Variants in NEB observed in about 807,000 individuals in gnomAD.
NEB encodes the protein nebulin, also known as nemaline myopathy type 2.
Under a neutral mutation model 952.2 loss-of-function variants are expected in NEB, and 512 were observed. The ratio of observed to expected loss-of-function variants is 0.54; its 90% CI spans 0.50 to 0.58. The LOEUF is 0.58. Among genes scored for constraint, NEB ranks in the 20% least tolerant of loss-of-function variants. NEB has a pLI of 0.00. For synonymous variants in NEB, 2,900 were observed against 3,149.8 expected (o/e 0.92, Z 2.66); for missense variants, 8,428 against 9,231.1 (o/e 0.91, Z 3.56).
intron 71 of NEB, among the ~76,000 whole-genome samples, chr2:151,621,545 G>A (rs1343423038): frequency 1.3e-5 from 2 of 152,158 alleles, no homozygotes; most frequent in East Asian, 1.9e-4. Flanking sequence ...CAAGTTGTTC[G>A]AGGACATGAG....
At chr2:151,595,516 G>A (rs1171720072) in intron 92 of NEB, among the ~76,000 whole-genome samples, 5 of 128,540 alleles carry the variant, frequency 3.9e-5, no homozygotes, top group Non-Finnish European at 4.8e-5. Flanking sequence ...CAGGTGATCC[G>A]CCCACCTCAG....
chr2:151,697,524 G>A lies in NEB; in HGVS notation c.1257+20C>T. ...ATGGGTTCTTTTTTTAACAGAAAGAGTGACAGTAGGATTGCTTACATCACT... is the reference window on the plus strand; with the variant it reads ...ATGGGTTCTTTTTTTAACAGAAAGAATGACAGTAGGATTGCTTACATCACT... On this transcript the variant is annotated intron_variant, in intron 14 of 181. Coordinates refer to ENST00000397345, the MANE Select transcript of NEB (RefSeq NM_001164508.2). 1.2e-6 allele frequency: 2 copies of A among 1,607,564 alleles called. No homozygotes were observed. Among genetic ancestry groups the A allele is most frequent in the Non-Finnish European group, 1.7e-6 (2 of 1,175,232 alleles).
intron 38 of NEB, among the ~76,000 whole-genome samples, chr2:151,670,164 T>C (rs1167241746): frequency 6.6e-6 from 1 of 152,176 alleles, no homozygotes; most frequent in African/African-American, 2.4e-5. Flanking sequence ...TTGACACCAG[T>C]TATTACTCCT....
chr2:151,690,689 T>G (rs1385887667), intron 24 of NEB, 38 bp downstream of exon 24: 25 of 1,446,356 alleles, frequency 1.7e-5, no homozygotes, highest in Non-Finnish European at 2.2e-5. Context: ...AGCAAAGCAC[T>G]CTGGGTCACC....
At chr2:151,702,259 A>G (rs1576940291) in intron 13 of NEB, among the ~76,000 whole-genome samples, 1 of 151,950 alleles carries the variant, frequency 6.6e-6, no homozygotes, top group East Asian at 1.9e-4. Context: ...GTTCTTTTAC[A>G]TTTGCTGAGG....
In NEB at chr2:151,537,888, G is replaced by C. The variant is rs1261694867; in HGVS notation, c.21086C>G (p.Thr7029Ser). Reference sequence around the variant, plus strand: ...AACACTCACATCACTGACTGTGTCAGTGACTGCTCGGTGGTGGAAATGCTC... The same window carrying C: ...AACACTCACATCACTGACTGTGTCACTGACTGCTCGGTGGTGGAAATGCTC... ...RPEHFHHRAV[T>S]DTVSDVKYKE... Residue 7029 changes from threonine to serine, a missense_variant, in exon 140 of 182, where the codon ACT (threonine) becomes AGT (serine). By Grantham distance (58) the Thr-to-Ser change is moderately conservative. Coordinates refer to ENST00000397345, the MANE Select transcript of NEB (RefSeq NM_001164508.2). 6.2e-7 allele frequency: 1 copy of C among 1,609,934 alleles called. No homozygotes were observed. The highest frequency in any genetic ancestry group is 8.5e-7 in the Non-Finnish European group (1 of 1,178,074).
chr2:151,542,604 A>G (rs2094205225), intron 135 of NEB, among the ~76,000 whole-genome samples: 1 of 152,122 alleles, frequency 6.6e-6, no homozygotes, highest in African/African-American at 2.4e-5. Context: ...CAAAATGGTC[A>G]TGAATCCTGG....
chr2:151,689,239 C>G (rs2099527274), intron 24 of NEB: 1 of 137,890 alleles, frequency 7.3e-6, no homozygotes, highest in Admixed American at 7.5e-5. Flanking sequence ...GTGTCTGGCT[C>G]CATCACCCAG....
At chr2:151,491,954 C>G (rs996590364) in intron 178 of NEB, 144 bp downstream of exon 178, 43 of 1,046,598 alleles carry the variant, frequency 4.1e-5, no homozygotes, top group Non-Finnish European at 5.5e-5. Context: ...GCTTTGTAAA[C>G]TATGAGATAA....
chr2:151,653,891 A>G, intron 52 of NEB, 101 bp downstream of exon 52: 1 of 687,614 alleles, frequency 1.5e-6, no homozygotes, highest in South Asian at 2.0e-5. Flanking sequence ...AGGAAGCATT[A>G]TATTTTGAAA....
intron 170 of NEB, 198 bp downstream of exon 170, chr2:151,498,062 A>ATGT: frequency 6.9e-7 from 1 of 1,455,732 alleles, no homozygotes; most frequent in Non-Finnish European, 9.0e-7. Context: ...TTTTTAAAAC[A>ATGT]TGTTTGTTTG....
At chr2:151,642,348 G>A (rs1574886395) in intron 60 of NEB, among the ~76,000 whole-genome samples, 1 of 152,184 alleles carries the variant, frequency 6.6e-6, no homozygotes, top group Admixed American at 6.5e-5. Context: ...TTGTTCAGCA[G>A]GAAACGGACA....
chr2:151,532,126 T>G (rs1026840772), intron 143 of NEB: 2 of 376,834 alleles, frequency 5.3e-6, no homozygotes, highest in East Asian at 5.3e-5. Context: ...AGACGGAGTC[T>G]TACTCTGTCA....
In NEB at chr2:151,514,404, C is replaced by G. The variant is rs1487757503; in HGVS notation, c.23041G>C (p.Glu7681Gln). The change falls in exon 159 of 182, where the codon GAA (glutamate) becomes CAA (glutamine). Residue 7681 changes from glutamate to glutamine, a missense_variant. By Grantham distance (29) the Glu-to-Gln change is conservative (BLOSUM62 2). Transcript: ENST00000397345. Reference sequence around the variant, plus strand: ...GTGAGGCCCTTCCCACGGATGCTTTCCTCTAGATCTTTCCTGTACTCTTTC... The same window carrying G: ...GTGAGGCCCTTCCCACGGATGCTTTGCTCTAGATCTTTCCTGTACTCTTTC... ...SEKEYRKDLE[E>Q]SIRGKGLTEM... 1 of 1,612,890 alleles carries G rather than the reference C, an allele frequency of 6.2e-7. No homozygotes were observed. The highest frequency in any genetic ancestry group is 2.2e-5 in the East Asian group (1 of 44,884).
rs74804252 is a variant in NEB at position 151,631,893 on chromosome 2, C to T, written c.9415-547G>A. On this transcript the variant is annotated intron_variant, in intron 65 of 181. Coordinates refer to ENST00000397345, the MANE Select transcript of NEB (RefSeq NM_001164508.2). Reference sequence around the variant, plus strand: ...GTTGGATTGTTTTGGATTCTTATTCCCTGCGATGTATTCTTCTATACATTT... The same window carrying T: ...GTTGGATTGTTTTGGATTCTTATTCTCTGCGATGTATTCTTCTATACATTT... 3.9e-5 allele frequency among the ~76,000 whole-genome samples: 6 copies of T among 152,066 alleles called. No homozygotes were observed. The East Asian group carries it at 1.2e-3, about 29-fold the overall frequency.
chr2:151,627,578 A>C lies in NEB; in HGVS notation c.10088T>G (p.Leu3363Arg). The C allele has an allele frequency of 6.2e-7, 1 of 1,614,042 alleles. No homozygotes were observed. The highest frequency in any genetic ancestry group is 8.5e-7 in the Non-Finnish European group (1 of 1,179,894). The change falls in exon 69 of 182, where the codon CTG becomes CGG. Residue 3363 changes from leucine (L) to arginine (R), a missense_variant. Transcript: ENST00000397345. ...YKNYLHEWTC[L>R]PDQNDVIHAR... ...ATGGATGACATCATTCTGGTCGGGC[A>C]GGCACGTCCACTCGTGCAGGTAGTT...
chr2:151,525,117 C>T, intron 151 of NEB, 46 bp downstream of exon 151: 2 of 1,335,830 alleles, frequency 1.5e-6, no homozygotes, highest in Non-Finnish European at 2.2e-6. Context: ...ATCTGGGTTC[C>T]ACTGCTTCAA....
rs376732812 is a variant in NEB at position 151,562,769 on chromosome 2, C to T, written c.18733G>A (p.Val6245Ile). The change falls in exon 120 of 182, where the codon GTT becomes ATT. Residue 6245 changes from valine to isoleucine, a missense_variant. This residue lies in a region of NEB where 3,374 missense variants were observed against 3,651.5 expected (regional missense o/e 0.92). Transcript: ENST00000397345. ...TTCATCATGTCATTGGGGATATGAA[C>T]ATTTGCTTTGGTATCCTCATAATGT... ...RKHYEDTKAN[V>I]HIPNDMMNHV... 31 of 1,590,894 alleles carry T rather than the reference C, an allele frequency of 1.9e-5. No homozygotes were observed. In the African/African-American group the frequency reaches 3.9e-4, roughly 20 times the overall value.
chr2:151,615,783 A>T (rs1470740494), intron 76 of NEB: 2 of 422,130 alleles, frequency 4.7e-6, no homozygotes, highest in Non-Finnish European at 8.3e-6. Context: ...AACACTTTTT[A>T]AAAAATAGTA....
Sources: allele counts gnomAD v4.1 joint callset (sites outside exome capture counted in the v4.1 genomes callset), GRCh38; gene constraint gnomAD v4.1.1; regional missense constraint gnomAD v4.1.1; transcripts MANE v1.5; gene names NCBI Gene and HGNC (gene_info 2026-07-23, HGNC 2026-07-21).